The following PRR5L variants were observed in gnomAD, a reference collection of about 807,000 sequenced individuals.
PRR5L encodes proline-rich protein 5-like.
A neutral mutation model predicts 36.4 loss-of-function variants in PRR5L; 21 were observed. The observed-to-expected ratio is 0.58, with a 90% confidence interval of 0.41 to 0.83. PRR5L has a LOEUF of 0.83. Among genes scored for constraint, PRR5L ranks in the 40% least tolerant of loss-of-function variants. The pLI, the probability that PRR5L is intolerant of heterozygous loss-of-function variation, is 0.00. For synonymous variants in PRR5L, 188 were observed against 197.0 expected (o/e 0.95, Z 0.38); for missense variants, 381 against 473.3 (o/e 0.80, Z 1.81).
At chr11:36,333,967 A>G (rs1484899967) in intron 1 of PRR5L, among the ~76,000 whole-genome samples, 1 of 152,228 alleles carries the variant, frequency 6.6e-6, no homozygotes, top group Non-Finnish European at 1.5e-5. Context: ...TCAAGAACCC[A>G]GGATCCCCTT....
intron 1 of PRR5L, among the ~76,000 whole-genome samples, chr11:36,382,573 TC>T (rs1320359008): frequency 2.6e-5 from 4 of 152,292 alleles, no homozygotes; most frequent in African/African-American, 9.6e-5. Flanking sequence ...TTCTGTTGAT[TC>T]CCAGACTACA....
chr11:36,464,471 A>C lies in PRR5L; in HGVS notation c.*1735A>C, dbSNP rs894540206. On this transcript the variant is annotated 3_prime_UTR_variant, in exon 9 of 9. Transcript: ENST00000530639. ...TTATTTCATTTTCATCCTAAGAGTG[A>C]TGGGAGAGAAATGTCCAAAAGAGAT... 6 of 152,234 alleles carry C rather than the reference A, an allele frequency of 3.9e-5. No homozygotes were observed. The highest frequency in any genetic ancestry group is 1.4e-4 in the African/African-American group (6 of 41,462). 9.4% of individuals were successfully genotyped at this position (152,234 alleles called of 1,614,324 possible).
At chr11:36,372,976 T>TTGTGTGTGTGTGTGTGTGTGTG (rs36076560) in intron 1 of PRR5L, among the ~76,000 whole-genome samples, 6 of 146,664 alleles carry the variant, frequency 4.1e-5, no homozygotes, top group African/African-American at 1.5e-4. Flanking sequence ...TGCCTAATAG[T>TTGTGTGTGTGTGTGTGTGTGTG]TGTGTGTGTG....
chr11:36,418,515 T>C (rs1858194311), intron 3 of PRR5L, among the ~76,000 whole-genome samples: 2 of 152,070 alleles, frequency 1.3e-5, no homozygotes, highest in African/African-American at 4.8e-5. Context: ...TAATAATTAC[T>C]ACTACCCGCG....
At chr11:36,382,490 T>C (rs1857386884) in intron 1 of PRR5L, among the ~76,000 whole-genome samples, 1 of 152,224 alleles carries the variant, frequency 6.6e-6, no homozygotes. Context: ...GGAGATCCTG[T>C]TAAACCACAG....
At position 36,430,765 on chromosome 11, in the gene PRR5L, G is replaced by A. The variant is rs145718947; in HGVS notation, c.295-1088G>A. ...GCTAGTATTATGCCATTTTACATAT[G>A]AGGAGCTTGGGACTCAGGGAAATTA... On this transcript the variant is annotated intron_variant, in intron 4 of 8. Coordinates refer to ENST00000530639, the MANE Select transcript of PRR5L (RefSeq NM_001160167.2). Among the ~76,000 whole-genome samples, 385 of 152,290 alleles carry A rather than the reference G, an allele frequency of 2.5e-3. 2 individuals are homozygous for A. Among genetic ancestry groups the A allele is most frequent in the Middle Eastern group, 0.01 (3 of 294 alleles).
In PRR5L at chr11:36,451,434, G is replaced by C; in HGVS notation, c.712+99G>C. ...TTAACTGAGCACTGATACCAGCACT[G>C]TTTAACTGAGCACAGCCTTTTGCTT... is the stretch of plus-strand genomic sequence containing the variant. On this transcript the variant is annotated intron_variant, in intron 8 of 8. Transcript: ENST00000530639. 2.8e-6 allele frequency: 4 copies of C among 1,407,938 alleles called. No individual in the cohort carries two copies. In the East Asian group the frequency reaches 9.3e-5, roughly 33 times the overall value. 87.2% of individuals were successfully genotyped at this position (1,407,938 alleles called of 1,614,324 possible). A position where few individuals can be genotyped will look rare whatever the true frequency, so the allele number is the denominator to read the frequency against.
At chr11:36,313,574 C>A (rs943594808) in intron 1 of PRR5L, among the ~76,000 whole-genome samples, 2 of 152,138 alleles carry the variant, frequency 1.3e-5, no homozygotes, top group African/African-American at 4.8e-5. Flanking sequence ...GGGAGTGGGG[C>A]AGAGATGCTC....
intron 1 of PRR5L, among the ~76,000 whole-genome samples, chr11:36,327,680 A>G (rs922246412): frequency 6.6e-6 from 1 of 152,212 alleles, no homozygotes; most frequent in African/African-American, 2.4e-5. Context: ...ATAGTCACCT[A>G]TGAGAATTCT....
chr11:36,342,340 G>C (rs927006304), intron 1 of PRR5L, among the ~76,000 whole-genome samples: 6 of 152,120 alleles, frequency 3.9e-5, no homozygotes, highest in Admixed American at 6.6e-5. Context: ...AGGGCAGACG[G>C]GGGCGAAATA....
chr11:36,350,912 ATATATATTTATATATATT>A (rs1481122423), intron 1 of PRR5L, among the ~76,000 whole-genome samples: 5 of 41,838 alleles, frequency 1.2e-4, no homozygotes, highest in African/African-American at 5.6e-4. Context: ...GTAAATATAT[ATATATATTTATATATATT>A]TATATATTTA....
At chr11:36,351,281 TG>T (rs1565407241) in intron 1 of PRR5L, among the ~76,000 whole-genome samples, 1,855 of 24,576 alleles carry the variant, frequency 0.075, 161 homozygotes, top group East Asian at 0.38. Flanking sequence ...TTTATATATA[TG>T]TATATTTATA....
chr11:36,348,931 G>A (rs1376275810), intron 1 of PRR5L, among the ~76,000 whole-genome samples: 3 of 152,068 alleles, frequency 2.0e-5, no homozygotes, highest in Non-Finnish European at 4.4e-5. Flanking sequence ...GGGGTATCAG[G>A]CACACAGTAT....
At chr11:36,309,665 T>TAGTGG (rs1590428293) in intron 1 of PRR5L, among the ~76,000 whole-genome samples, 1 of 152,102 alleles carries the variant, frequency 6.6e-6, no homozygotes, top group East Asian at 1.9e-4. Context: ...ATGGTGGTGG[T>TAGTGG]GGTATATGAT....
chr11:36,434,833 C>T (rs945791301), intron 5 of PRR5L, among the ~76,000 whole-genome samples: 2 of 152,066 alleles, frequency 1.3e-5, no homozygotes, highest in Non-Finnish European at 2.9e-5. Context: ...TCTCTGAACG[C>T]TTTCCAAAAC....
At chr11:36,424,499 G>A (rs1159382187) in intron 4 of PRR5L, among the ~76,000 whole-genome samples, 2 of 152,208 alleles carry the variant, frequency 1.3e-5, no homozygotes, top group Non-Finnish European at 2.9e-5. Context: ...TGGAAACAAC[G>A]TGGTATTAAA....
At chr11:36,301,780 A>T (rs1341552430) in intron 1 of PRR5L, among the ~76,000 whole-genome samples, 1 of 152,232 alleles carries the variant, frequency 6.6e-6, no homozygotes, top group Non-Finnish European at 1.5e-5. Context: ...TTGGAAAATG[A>T]CTGGGAAAAT....
At chr11:36,460,165 A>G (rs1763663281) in intron 8 of PRR5L, among the ~76,000 whole-genome samples, 1 of 152,142 alleles carries the variant, frequency 6.6e-6, no homozygotes, top group Admixed American at 6.5e-5. Context: ...ACTGTTGTTT[A>G]TATTCTGCTT....
At chr11:36,382,639 T>C (rs1565431427) in intron 1 of PRR5L, among the ~76,000 whole-genome samples, 1 of 152,202 alleles carries the variant, frequency 6.6e-6, no homozygotes, top group Non-Finnish European at 1.5e-5. Context: ...CTTGGCCCTA[T>C]TGATGGTTTT....
Sources: gnomAD v4.1 joint callset for allele counts (sites outside exome capture counted in the v4.1 genomes callset) on GRCh38, gnomAD v4.1.1 for gene constraint, MANE v1.5 for transcripts, NCBI Gene and HGNC (gene_info 2026-07-23, HGNC 2026-07-21) for gene names.